HNRNPH1: variants seen among roughly 807,000 people sequenced by gnomAD.
HNRNPH1 encodes the protein heterogeneous nuclear ribonucleoprotein H1.
Under a neutral mutation model 58.6 loss-of-function variants are expected in HNRNPH1, and 4 were observed. The ratio of observed to expected loss-of-function variants is 0.07; its 90% CI spans 0.03 to 0.16. The LOEUF (loss-of-function observed/expected upper bound fraction) is 0.16. HNRNPH1 is among the 10% of genes least tolerant of loss of function. The pLI is 1.00. For synonymous variants in HNRNPH1, 192 were observed against 189.2 expected (o/e 1.01, Z -0.12); for missense variants, 271 against 564.2 (o/e 0.48, Z 5.26).
At chr5:179,623,221 G>T in exon 1 of HNRNPH1, 1 of 952,292 alleles carries the variant, frequency 1.1e-6, no homozygotes, top group Non-Finnish European at 1.6e-6. Context: ...CTTCGCCTCC[G>T]AGGCGCGCCC....
chr5:179,618,848 C>T (rs1429762537), intron 4 of HNRNPH1: 1 of 157,440 alleles, frequency 6.4e-6, no homozygotes, highest in Non-Finnish European at 1.4e-5. Context: ...GAAAGCTATG[C>T]TTATTAATAC....
At position 179,632,753 on chromosome 5, in the gene HNRNPH1, C is replaced by CTTTTTTTT. The variant is rs752554745; in HGVS notation, c.-32+1304_-32+1311dup. 5.8e-4 allele frequency among the ~76,000 whole-genome samples: 53 copies of CTTTTTTTT among 92,004 alleles called. 6 individuals are homozygous for CTTTTTTTT. Among genetic ancestry groups the CTTTTTTTT allele is most frequent in the East Asian group, 4.1e-3 (9 of 2,206 alleles). The allele number at this position is 92,004 out of a possible 152,430, so 60.4% of individuals were successfully genotyped here. A position where few individuals can be genotyped will look rare whatever the true frequency, so the allele number is the denominator to read the frequency against. On this transcript the variant is annotated intron_variant, in intron 2 of 4. Transcript: ENST00000521116. ...CACTGTCTAAAGCCAAATCAAATAT[C>CTTTTTTTT]TTTTTTTTTTTTTTTTTTTTTGAGA...
chr5:179,629,011 A>AC (rs1774595482), upstream of HNRNPH1: 3 of 151,436 alleles, frequency 2.0e-5, no homozygotes, highest in Admixed American at 2.0e-4. Flanking sequence ...AATCATAAAT[A>AC]ACCCGGCTGG....
At chr5:179,624,398 C>G (rs891726462) in exon 1 of HNRNPH1, 1 of 396,986 alleles carries the variant, frequency 2.5e-6, no homozygotes, top group African/African-American at 2.1e-5. Context: ...TTTTGCCTAA[C>G]GAATTCGCAC....
intron 3 of HNRNPH1, among the ~76,000 whole-genome samples, chr5:179,620,254 C>G (rs900366224): frequency 1.3e-5 from 2 of 152,198 alleles, no homozygotes; most frequent in African/African-American, 4.8e-5. Context: ...GATATCTTAT[C>G]TAACATTGTT....
upstream of HNRNPH1, among the ~76,000 whole-genome samples, chr5:179,628,618 A>AC (rs911153568): frequency 9.9e-5 from 15 of 152,080 alleles, no homozygotes; most frequent in African/African-American, 3.4e-4. Flanking sequence ...CGCATGAGCC[A>AC]CCGCACCTGG....
chr5:179,621,214 A>C (rs777129067), intron 2 of HNRNPH1, 28 bp downstream of exon 3: 1 of 1,603,578 alleles, frequency 6.2e-7, no homozygotes, highest in Admixed American at 1.7e-5. Context: ...TGCTTTATTT[A>C]CTGTAACTAG....
rs1191784450 is a variant in HNRNPH1 at position 179,621,224 on chromosome 5, G to A, written c.253+18C>T. 8.1e-6 allele frequency: 13 copies of A among 1,608,110 alleles called. No individual in the cohort carries two copies. The highest frequency in any genetic ancestry group is 1.7e-5 in the Admixed American group (1 of 59,948). ...TTTAATGCTTTATTTACTGTAACTA[G>A]GGCAATGTAAATCAAACCTTCAACA... On this transcript the variant is annotated intron_variant, in intron 2 of 12. Transcript: ENST00000356731.
rs140878102 is a variant in HNRNPH1, at chr5:179,633,267, A to T, written c.-32+798T>A. 7.4e-3 allele frequency among the ~76,000 whole-genome samples: 1,118 copies of T among 150,470 alleles called. 19 individuals are homozygous for T. The highest frequency in any genetic ancestry group is 0.024 in the African/African-American group (1,000 of 41,098). ...CAGCCTCCCGAAGTGTTGGGATTAC[A>T]GGTGTGAGCCACCACGCCCGGCCTG... is the stretch of plus-strand genomic sequence containing the variant. On this transcript the variant is annotated intron_variant, in intron 2 of 4. Coordinates refer to the HNRNPH1 transcript ENST00000521116.
upstream of HNRNPH1, among the ~76,000 whole-genome samples, chr5:179,628,853 C>A (rs1456890325): frequency 2.6e-5 from 4 of 152,048 alleles, no homozygotes; most frequent in Non-Finnish European, 4.4e-5. Flanking sequence ...TGGTGGCATA[C>A]GTCTGTAATC....
Position 179,617,487 on chromosome 5 carries a change from A to T in HNRNPH1, c.1057+27T>A, listed in dbSNP as rs979079253. ...GTTAGTCACACAATCACCTGTTAAG[A>T]GCCCACAAATGCTCAATCACACTTA... On this transcript the variant is annotated intron_variant, in intron 8 of 12. Transcript: ENST00000356731. 1.9e-6 allele frequency: 3 copies of T among 1,607,984 alleles called. No individual in the cohort carries two copies. In the South Asian group the frequency reaches 3.3e-5, roughly 18 times the overall value.
intron 11 of HNRNPH1, 165 bp downstream of exon 12, chr5:179,615,961 C>T (rs888083113): frequency 1.6e-5 from 10 of 610,522 alleles, no homozygotes; most frequent in Non-Finnish European, 3.0e-5. Context: ...GCATACATTT[C>T]ATAACCCAAT....
chr5:179,620,071 T>C (rs1057316483), intron 3 of HNRNPH1: 4 of 152,226 alleles, frequency 2.6e-5, no homozygotes, highest in African/African-American at 4.8e-5. Flanking sequence ...ATATTTAACG[T>C]TGACAGCATT....
At chr5:179,625,007 G>C (rs1007271556), upstream of HNRNPH1, among the ~76,000 whole-genome samples, 13 of 152,206 alleles carry the variant, frequency 8.5e-5, no homozygotes, top group African/African-American at 2.7e-4. Context: ...TGTTATCTCC[G>C]AGAGAAGGCT....
At chr5:179,617,770 A>G (rs1472861319) in intron 7 of HNRNPH1, 29 bp downstream of exon 8, 1 of 1,612,616 alleles carries the variant, frequency 6.2e-7, no homozygotes, top group Admixed American at 1.7e-5. Context: ...ATACTGAAAT[A>G]TTGACTTGTG....
intron 3 of HNRNPH1, 125 bp from the exon 5 acceptor site, chr5:179,619,532 A>G (rs1771266270): frequency 4.0e-6 from 3 of 747,550 alleles, no homozygotes; most frequent in Non-Finnish European, 6.6e-6. Flanking sequence ...TATGCTTTCA[A>G]CAAGTACTCT....
At chr5:179,615,070 T>TC in intron 12 of HNRNPH1, 111 bp from the exon 14 acceptor site, 1 of 708,720 alleles carries the variant, frequency 1.4e-6, no homozygotes. Flanking sequence ...ATGGCTGCTG[T>TC]CCAAGTGGCG....
chr5:179,623,267 G>C (rs886465765), exon 1 of HNRNPH1: 2 of 543,968 alleles, frequency 3.7e-6, no homozygotes, highest in Non-Finnish European at 6.7e-6. Flanking sequence ...CAAAAACCGG[G>C]CGGATGCACC....
intron 2 of HNRNPH1, among the ~76,000 whole-genome samples, chr5:179,630,809 G>A (rs901343020): frequency 4.6e-5 from 7 of 151,724 alleles, no homozygotes; most frequent in African/African-American, 1.7e-4. Flanking sequence ...TACTCAGGAG[G>A]CTGAGGCAGG....
Sources: gnomAD v4.1 joint callset for allele counts (sites outside exome capture counted in the v4.1 genomes callset) on GRCh38, gnomAD v4.1.1 for gene constraint, MANE v1.5 for transcripts, NCBI Gene and HGNC (gene_info 2026-07-23, HGNC 2026-07-21) for gene names.